ZC4H2: variants seen among roughly 807,000 people sequenced by gnomAD.
ZC4H2 encodes zinc finger C4H2-type containing, also known as zinc finger C4H2 domain-containing protein.
For synonymous variants in ZC4H2, 84 were observed against 66.3 expected (o/e 1.27, Z -1.30); for missense variants, 137 against 173.9 (o/e 0.79, Z 1.19).
chrX:64,954,367 TA>T (rs1931056802), intron 1 of ZC4H2, among the ~76,000 whole-genome samples: 1 of 75,660 alleles, frequency 1.3e-5, no homozygotes, highest in Non-Finnish European at 2.1e-5. Flanking sequence ...TATATATATA[TA>T]TATAATTATA....
chrX:64,967,458 T>G (rs758888821), intron 1 of ZC4H2, among the ~76,000 whole-genome samples: 34 of 112,095 alleles, frequency 3.0e-4, no homozygotes, highest in African/African-American at 1.1e-3. Context: ...CTGGTTCTTG[T>G]GGATGAATGA....
chrX:64,958,676 G>A (rs1221579772), intron 1 of ZC4H2, among the ~76,000 whole-genome samples: 1 of 110,838 alleles, frequency 9.0e-6, no homozygotes, highest in African/African-American at 3.3e-5. Flanking sequence ...TATCCCAGGA[G>A]TTGGATTTCA....
At chrX:64,927,113 C>G (rs1284853424) in intron 1 of ZC4H2, among the ~76,000 whole-genome samples, 1 of 111,093 alleles carries the variant, frequency 9.0e-6, no homozygotes, top group Non-Finnish European at 1.9e-5. Flanking sequence ...TTTTAAAAGT[C>G]CAATTTATCA....
chrX:65,020,937 T>TAAAGAAGAAAAGAGGGAAGAGTCAAA (rs1932832193), intron 1 of ZC4H2, among the ~76,000 whole-genome samples: 16 of 109,559 alleles, frequency 1.5e-4, no homozygotes, highest in African/African-American at 4.9e-4. Context: ...AAGAAAGGCA[T>TAAAGAAGAAAAGAGGGAAGAGTCAAA]TACATAATGG....
intron 1 of ZC4H2, among the ~76,000 whole-genome samples, chrX:64,964,058 T>C (rs1213127089): frequency 9.0e-6 from 1 of 110,870 alleles, no homozygotes; most frequent in Admixed American, 9.6e-5. Context: ...AGAGCTGCTA[T>C]TCAATATGTA....
At chrX:64,926,926 C>T (rs770573654) in intron 1 of ZC4H2, among the ~76,000 whole-genome samples, 2 of 111,367 alleles carry the variant, frequency 1.8e-5, no homozygotes, top group South Asian at 7.6e-4. Flanking sequence ...TAGGACCAAT[C>T]CCCTATATAC....
At position 65,008,304 on chromosome X, in the gene ZC4H2, AG is replaced by A. The variant is rs201536927; in HGVS notation, c.-272+26324del. Among the ~76,000 whole-genome samples, 965 of 112,211 alleles carry A rather than the reference AG, an allele frequency of 8.6e-3. 15 individuals carry two copies. The highest frequency in any genetic ancestry group is 0.03 in the African/African-American group (916 of 30,914). On this transcript the variant is annotated intron_variant, in intron 1 of 4. Transcript: ENST00000337990. Reference sequence around the variant, plus strand: ...TTAATATGGCTTTTGTCTAAAAGATAGGCAATAATGGATGCTGGTGAGGATG... The same window carrying A: ...TTAATATGGCTTTTGTCTAAAAGATAGCAATAATGGATGCTGGTGAGGATG...
At chrX:65,016,055 T>C (rs888882689) in intron 1 of ZC4H2, among the ~76,000 whole-genome samples, 1 of 112,243 alleles carries the variant, frequency 8.9e-6, no homozygotes, top group Non-Finnish European at 1.9e-5. Flanking sequence ...GGTTTATATT[T>C]AGCAAATTTA....
chrX:64,994,393 T>C (rs922877284), intron 1 of ZC4H2, among the ~76,000 whole-genome samples: 1 of 112,270 alleles, frequency 8.9e-6, no homozygotes, highest in Non-Finnish European at 1.9e-5. Context: ...CAATGCTTTA[T>C]ATAAACAAGT....
intron 1 of ZC4H2, among the ~76,000 whole-genome samples, chrX:64,927,062 T>C (rs752073412): frequency 2.7e-5 from 3 of 112,180 alleles, no homozygotes; most frequent in South Asian, 7.4e-4. Context: ...GCTTGCCTTT[T>C]TGTCACCTTG....
intron 1 of ZC4H2, among the ~76,000 whole-genome samples, chrX:64,999,481 C>T (rs1027854131): frequency 6.2e-5 from 7 of 112,411 alleles, no homozygotes; most frequent in South Asian, 3.7e-4. Flanking sequence ...TATGCCACCA[C>T]GGCCCTGGAT....
At chrX:64,932,750 G>C (rs1479989378) in intron 1 of ZC4H2, among the ~76,000 whole-genome samples, 1 of 111,258 alleles carries the variant, frequency 9.0e-6, no homozygotes, top group East Asian at 2.8e-4. Context: ...GATAGGTTTT[G>C]CTTTATAGGT....
At chrX:64,940,217 T>C (rs746598040) in intron 1 of ZC4H2, among the ~76,000 whole-genome samples, 4 of 112,005 alleles carry the variant, frequency 3.6e-5, no homozygotes, top group Non-Finnish European at 5.6e-5. Flanking sequence ...CTTCTGAGAA[T>C]TGTCTGTTCA....
At chrX:64,991,634 T>G (rs764925774) in intron 1 of ZC4H2, among the ~76,000 whole-genome samples, 2 of 111,829 alleles carry the variant, frequency 1.8e-5, no homozygotes, top group African/African-American at 3.3e-5. Flanking sequence ...AAGTTAAACA[T>G]AGAATTACCC....
At chrX:64,945,127 A>G (rs1020674652) in intron 1 of ZC4H2, among the ~76,000 whole-genome samples, 19 of 112,783 alleles carry the variant, frequency 1.7e-4, no homozygotes, top group Non-Finnish European at 2.2e-4. Context: ...CTTGCTGGCG[A>G]GGAGTTGTGA....
chrX:65,019,647 C>T (rs1338697890), intron 1 of ZC4H2, among the ~76,000 whole-genome samples: 1 of 112,078 alleles, frequency 8.9e-6, no homozygotes, highest in Non-Finnish European at 1.9e-5. Context: ...GAACACAACT[C>T]CTCGCCAGCA....
chrX:64,939,094 AG>A (rs771222730), intron 1 of ZC4H2, among the ~76,000 whole-genome samples: 1 of 112,412 alleles, frequency 8.9e-6, no homozygotes, highest in South Asian at 3.7e-4. Context: ...GCAAAGTCTC[AG>A]GATACAAAAT....
chrX:65,034,293 T>C (rs1202224902), intron 1 of ZC4H2, among the ~76,000 whole-genome samples: 4 of 110,845 alleles, frequency 3.6e-5, no homozygotes, highest in Admixed American at 1.9e-4. Flanking sequence ...GAGTATGCTG[T>C]TGCAGTAGTC....
chrX:65,015,553 A>G, intron 1 of ZC4H2, among the ~76,000 whole-genome samples: 1 of 111,830 alleles, frequency 8.9e-6, no homozygotes, highest in Middle Eastern at 4.6e-3. Context: ...ATCTTGGAAT[A>G]ATTGGTTTAG....
Sources: allele counts gnomAD v4.1 joint callset (sites outside exome capture counted in the v4.1 genomes callset), GRCh38; gene constraint gnomAD v4.1.1; transcripts MANE v1.5; gene names NCBI Gene and HGNC (gene_info 2026-07-23, HGNC 2026-07-21).